Variants in KCNT2 observed in about 807,000 individuals in gnomAD.
The protein encoded by KCNT2 is potassium channel subfamily T member 2.
KCNT2 carries 67 observed loss-of-function variants against 153.8 expected under a neutral mutation model. The observed-to-expected ratio is 0.44, with a 90% CI of 0.36 to 0.53. KCNT2 has a LOEUF of 0.53. Among genes scored for constraint, KCNT2 ranks in the 20% least tolerant of loss-of-function variants. KCNT2 has a pLI of 0.00. For missense variants in KCNT2, 975 were observed against 1,354.8 expected (o/e 0.72, Z 4.40); for synonymous variants, 500 against 458.8 (o/e 1.09, Z -1.15).
At chr1:196,406,569 T>C (rs892691944) in intron 12 of KCNT2, among the ~76,000 whole-genome samples, 1 of 148,454 alleles carries the variant, frequency 6.7e-6, no homozygotes, top group East Asian at 2.0e-4. Context: ...GGCCTAGTCT[T>C]CATGAACAAT....
chr1:196,607,947 A>C (rs1002235068), intron 1 of KCNT2, among the ~76,000 whole-genome samples: 1 of 152,242 alleles, frequency 6.6e-6, no homozygotes, highest in Non-Finnish European at 1.5e-5. Context: ...AAAAGCACAG[A>C]TAGACAAAAG....
intron 14 of KCNT2, among the ~76,000 whole-genome samples, chr1:196,360,276 G>T (rs1333599493): frequency 6.6e-6 from 1 of 151,220 alleles, no homozygotes; most frequent in Non-Finnish European, 1.5e-5. Context: ...CTTGTAGTAG[G>T]TTTTTTTTTG....
Position 196,601,505 on chromosome 1 carries a change from T to C in KCNT2, c.95+6710A>G, listed in dbSNP as rs574706354. Among the ~76,000 whole-genome samples, 3 of 152,328 alleles carry C rather than the reference T, an allele frequency of 2.0e-5. No homozygotes were observed. The East Asian group carries it at 5.8e-4, about 29-fold the overall frequency. On this transcript the variant is annotated intron_variant, in intron 1 of 27. Coordinates refer to ENST00000294725, the MANE Select transcript of KCNT2 (RefSeq NM_198503.5). Reference sequence around the variant, plus strand: ...GTGTTTAATGTCTGTGAAAGAACGATGTCAATGCTATTAAGGGTTTCTGCA... The same window carrying C: ...GTGTTTAATGTCTGTGAAAGAACGACGTCAATGCTATTAAGGGTTTCTGCA...
At chr1:196,509,708 G>T (rs1424675435) in intron 1 of KCNT2, among the ~76,000 whole-genome samples, 1 of 152,076 alleles carries the variant, frequency 6.6e-6, no homozygotes, top group African/African-American at 2.4e-5. Context: ...AGTGTCATAG[G>T]TGTCTGTATA....
chr1:196,390,866 C>T lies in KCNT2; in HGVS notation c.1294+7697G>A, dbSNP rs969313938. On this transcript the variant is annotated intron_variant, in intron 13 of 27. Transcript: ENST00000294725. ...ATTGTCATCTCCACTTGCTGGCCAT[C>T]CTACTGTTAAGATCTCATTCATTCT... 4.0e-5 allele frequency among the ~76,000 whole-genome samples: 6 copies of T among 148,298 alleles called. No individual in the cohort carries two copies. The South Asian group carries it at 1.3e-3, about 32-fold the overall frequency.
intron 8 of KCNT2, among the ~76,000 whole-genome samples, chr1:196,458,679 C>T (rs187687369): frequency 4.3e-4 from 66 of 151,916 alleles, no homozygotes; most frequent in Admixed American, 2.2e-3. Flanking sequence ...CAAGCTTTGG[C>T]ATGTTTTATA....
chr1:196,244,997 GCA>G (rs1372750571), intron 26 of KCNT2, among the ~76,000 whole-genome samples: 1 of 152,138 alleles, frequency 6.6e-6, no homozygotes, highest in Non-Finnish European at 1.5e-5. Flanking sequence ...AGGCAGGTCA[GCA>G]CAGAGAGAGA....
chr1:196,461,647 G>A (rs1677163502), intron 8 of KCNT2, among the ~76,000 whole-genome samples: 1 of 151,674 alleles, frequency 6.6e-6, no homozygotes, highest in Non-Finnish European at 1.5e-5. Context: ...AGTTTACTCT[G>A]CTTTGTTTTA....
At chr1:196,395,452 A>C (rs912711391) in intron 13 of KCNT2, among the ~76,000 whole-genome samples, 1 of 151,680 alleles carries the variant, frequency 6.6e-6, no homozygotes, top group African/African-American at 2.4e-5. Context: ...TAGGCACTCA[A>C]GATATAAATT....
chr1:196,280,261 C>T (rs1258146471), intron 25 of KCNT2, among the ~76,000 whole-genome samples: 3 of 152,088 alleles, frequency 2.0e-5, no homozygotes, highest in East Asian at 1.9e-4. Context: ...AAATATGTTT[C>T]GGGTGCATGA....
intron 8 of KCNT2, among the ~76,000 whole-genome samples, chr1:196,437,793 T>G (rs1674858273): frequency 6.6e-6 from 1 of 151,420 alleles, no homozygotes; most frequent in South Asian, 2.1e-4. Flanking sequence ...TTATAAAAGT[T>G]AGTCACATTT....
At chr1:196,498,478 A>C (rs1680428430) in intron 1 of KCNT2, among the ~76,000 whole-genome samples, 1 of 152,150 alleles carries the variant, frequency 6.6e-6, no homozygotes, top group Admixed American at 6.5e-5. Flanking sequence ...TCCATATATA[A>C]GATTTTTATT....
At chr1:196,557,567 G>GT (rs1658845517) in intron 1 of KCNT2, among the ~76,000 whole-genome samples, 1 of 146,430 alleles carries the variant, frequency 6.8e-6, no homozygotes, top group Non-Finnish European at 1.5e-5. Flanking sequence ...ATCTCGTGTA[G>GT]AAAAAAAAAA....
chr1:196,513,357 T>G (rs1266482754), intron 1 of KCNT2, among the ~76,000 whole-genome samples: 2 of 152,214 alleles, frequency 1.3e-5, no homozygotes, highest in Non-Finnish European at 2.9e-5. Flanking sequence ...TGGCAATCTG[T>G]GGATTCTGCC....
At chr1:196,492,108 G>GA (rs1345410381) in intron 2 of KCNT2, among the ~76,000 whole-genome samples, 154 bp downstream of exon 2, 4 of 151,826 alleles carry the variant, frequency 2.6e-5, no homozygotes, top group African/African-American at 4.8e-5. Flanking sequence ...CCACCTGCTG[G>GA]AAAAAATAAC....
intron 8 of KCNT2, among the ~76,000 whole-genome samples, chr1:196,441,823 T>C (rs1385131993): frequency 6.6e-6 from 1 of 151,852 alleles, no homozygotes; most frequent in African/African-American, 2.4e-5. Flanking sequence ...CCTTAGGTCA[T>C]GTGCTGTACA....
At chr1:196,417,104 T>C (rs990604126) in intron 12 of KCNT2, among the ~76,000 whole-genome samples, 1 of 152,110 alleles carries the variant, frequency 6.6e-6, no homozygotes, top group Admixed American at 6.6e-5. Context: ...ATATGATCTA[T>C]AGCAGAGGTC....
chr1:196,367,664 A>T (rs1668158509), intron 14 of KCNT2, among the ~76,000 whole-genome samples: 2 of 152,200 alleles, frequency 1.3e-5, no homozygotes, highest in African/African-American at 4.8e-5. Flanking sequence ...GATAATCACA[A>T]ATCTGTGACA....
intron 12 of KCNT2, among the ~76,000 whole-genome samples, chr1:196,398,874 C>T (rs1164185700): frequency 6.6e-6 from 1 of 151,346 alleles, no homozygotes; most frequent in Non-Finnish European, 1.5e-5. Flanking sequence ...ATTACTAGCA[C>T]TTAGAATATT....
Sources: gnomAD v4.1 joint callset for allele counts (sites outside exome capture counted in the v4.1 genomes callset) on GRCh38, gnomAD v4.1.1 for gene constraint, MANE v1.5 for transcripts, NCBI Gene and HGNC (gene_info 2026-07-23, HGNC 2026-07-21) for gene names.